CREBBP: variants seen among roughly 807,000 people sequenced by gnomAD.
The protein encoded by CREBBP is CREB binding lysine acetyltransferase, also known as CREB-binding protein.
Under a neutral mutation model 265.0 loss-of-function variants are expected in CREBBP, and 19 were observed. The observed-to-expected ratio is 0.07, with a 90% CI of 0.05 to 0.11. The LOEUF is 0.11. CREBBP is among the 10% of genes least tolerant of loss of function. The pLI is 1.00. For missense variants in CREBBP, 2,525 were observed against 3,219.0 expected (o/e 0.78, Z 5.22); for synonymous variants, 1,457 against 1,223.7 (o/e 1.19, Z -3.98).
At chr16:3,738,084 C>A (rs1211731894) in intron 26 of CREBBP, among the ~76,000 whole-genome samples, 2 of 151,382 alleles carry the variant, frequency 1.3e-5, no homozygotes, top group African/African-American at 2.4e-5. Context: ...CCGCGCCCGG[C>A]CTTTTTTTTA....
At chr16:3,847,998 G>A (rs1229757677) in intron 2 of CREBBP, among the ~76,000 whole-genome samples, 3 of 151,930 alleles carry the variant, frequency 2.0e-5, no homozygotes, top group Non-Finnish European at 2.9e-5. Context: ...GTGAAACTCC[G>A]TCTCTAATAA....
chr16:3,843,886 C>T (rs1409399019), intron 2 of CREBBP, among the ~76,000 whole-genome samples: 7 of 151,880 alleles, frequency 4.6e-5, no homozygotes, highest in South Asian at 2.1e-4. Context: ...CGGTGGCTCA[C>T]GCCTGTAATC....
chr16:3,747,678 A>T (rs993461720), intron 21 of CREBBP, among the ~76,000 whole-genome samples: 2 of 152,142 alleles, frequency 1.3e-5, no homozygotes, highest in Non-Finnish European at 2.9e-5. Context: ...GTAGATATAA[A>T]TTGGCCGGGC....
chr16:3,793,369 C>A lies in CREBBP; in HGVS notation c.1216+17G>T. 1.2e-6 allele frequency: 2 copies of A among 1,613,760 alleles called. No homozygotes were observed. The highest frequency in any genetic ancestry group is 2.2e-5 in the South Asian group (2 of 90,786). On this transcript the variant is annotated intron_variant, in intron 4 of 30. Transcript: ENST00000262367. Reference sequence around the variant, plus strand: ...TTCCTGACCTCTACCACTAGGAGTTCCAAAAACAGCACTTACCTTGGCAGG... The same window carrying A: ...TTCCTGACCTCTACCACTAGGAGTTACAAAAACAGCACTTACCTTGGCAGG...
chr16:3,847,930 AGGCAGAGGCAGGT>A (rs2054702106), intron 2 of CREBBP, among the ~76,000 whole-genome samples: 1 of 152,216 alleles, frequency 6.6e-6, no homozygotes, highest in Admixed American at 6.5e-5. Context: ...GCATTTTGGG[AGGCAGAGGCAGGT>A]GGCTCGCTTG....
chr16:3,758,549 G>A (rs2052638791), intron 17 of CREBBP, among the ~76,000 whole-genome samples: 1 of 152,154 alleles, frequency 6.6e-6, no homozygotes, highest in African/African-American at 2.4e-5. Flanking sequence ...TTTTTTTACA[G>A]TTCATGTTCA....
intron 2 of CREBBP, among the ~76,000 whole-genome samples, chr16:3,837,631 T>TAATA (rs966363424): frequency 2.2e-4 from 33 of 149,946 alleles, no homozygotes; most frequent in Non-Finnish European, 2.2e-4. Flanking sequence ...ATAATAATAA[T>TAATA]AATAAATAAA....
Position 3,731,514 on chromosome 16 carries a change from G to T in CREBBP, c.4891-41C>A. The T allele has an allele frequency of 2.6e-6, 4 of 1,556,386 alleles. No homozygotes were observed. Among genetic ancestry groups the T allele is most frequent in the Non-Finnish European group, 2.6e-6 (3 of 1,153,810 alleles). Reference sequence around the variant, plus strand: ...GGCTTTAGTCCCACACAAGGGACATGGCACCTCCAGTGGTGAGCTCAGGGC... The same window carrying T: ...GGCTTTAGTCCCACACAAGGGACATTGCACCTCCAGTGGTGAGCTCAGGGC... On this transcript the variant is annotated intron_variant, in intron 29 of 30. Transcript: ENST00000262367. The surrounding 1 kb of genome is among the most constrained non-coding windows in gnomAD (Gnocchi z 7.7).
At chr16:3,798,003 C>T (rs773831621) in intron 3 of CREBBP, among the ~76,000 whole-genome samples, 5 of 152,158 alleles carry the variant, frequency 3.3e-5, no homozygotes, top group African/African-American at 4.8e-5. Context: ...AAAATGCAGA[C>T]ACCTCACAAA....
intron 26 of CREBBP, 90 bp downstream of exon 26, chr16:3,738,469 A>T (rs895364196): frequency 1.2e-6 from 1 of 832,504 alleles, no homozygotes; most frequent in African/African-American, 1.7e-5. Context: ...AAAACGCATA[A>T]AACTTAAAAT....
At chr16:3,849,454 T>TGTGTGTGTGTGTGTG in intron 2 of CREBBP, among the ~76,000 whole-genome samples, 1 of 90,324 alleles carries the variant, frequency 1.1e-5, no homozygotes, top group Non-Finnish European at 2.7e-5. Flanking sequence ...TGTGTGTGTG[T>TGTGTGTGTGTGTGTG]GTGTGTGTGT....
intron 20 of CREBBP, among the ~76,000 whole-genome samples, chr16:3,751,150 CAAGA>C (rs2052463308): frequency 6.6e-6 from 1 of 152,300 alleles, no homozygotes; most frequent in African/African-American, 2.4e-5. Context: ...AGACCAAGGT[CAAGA>C]GAGACCAGTG....
intron 2 of CREBBP, among the ~76,000 whole-genome samples, chr16:3,818,729 G>T (rs184812016): frequency 2.0e-5 from 3 of 152,302 alleles, no homozygotes; most frequent in African/African-American, 7.2e-5. Context: ...ATACACAGCA[G>T]ACCACTCAGA....
intron 21 of CREBBP, among the ~76,000 whole-genome samples, chr16:3,746,736 G>A (rs2052351687): frequency 6.6e-6 from 1 of 152,080 alleles, no homozygotes; most frequent in Non-Finnish European, 1.5e-5. Context: ...TGCTTTACTG[G>A]GAGTTTGAGA....
chr16:3,821,648 A>G (rs1031537012), intron 2 of CREBBP, among the ~76,000 whole-genome samples: 6 of 152,236 alleles, frequency 3.9e-5, no homozygotes, highest in Non-Finnish European at 5.9e-5. Flanking sequence ...CTTTCATGCC[A>G]ATCCAAGCCA....
chr16:3,771,673 G>A (rs1596889313), intron 13 of CREBBP, among the ~76,000 whole-genome samples: 1 of 152,002 alleles, frequency 6.6e-6, no homozygotes, highest in Non-Finnish European at 1.5e-5. Flanking sequence ...TGGACACTCA[G>A]TGACTAAGAG....
At position 3,729,982 on chromosome 16, in the gene CREBBP, C is replaced by G. The variant is rs2051867970; in HGVS notation, c.5173-108G>C. The G allele has an allele frequency of 4.6e-6, 7 of 1,535,986 alleles. 1 individual carries two copies. The highest frequency in any genetic ancestry group is 6.1e-6 in the Non-Finnish European group (7 of 1,144,618). ...AAGTCTGGGTCTGTGCCAGGAGACCCAGGCAGGATAGGAGACCCAGACAGG... is the reference window on the plus strand; with the variant it reads ...AAGTCTGGGTCTGTGCCAGGAGACCGAGGCAGGATAGGAGACCCAGACAGG... On this transcript the variant is annotated intron_variant, in intron 30 of 30. Transcript: ENST00000262367.
Position 3,767,621 on chromosome 16 carries a change from T to A in CREBBP, c.3250+99A>T, listed in dbSNP as rs570738547. On this transcript the variant is annotated intron_variant, in intron 16 of 30. Transcript: ENST00000262367. The stretch of plus-strand genomic sequence containing the variant: ...CAGGCAAGAAAGGTAAAAGGGCAGA[T>A]AGAATTATGTTTCTACTTTAGCTTT... The A allele has an allele frequency of 7.9e-6, 12 of 1,517,578 alleles. No individual in the cohort carries two copies. In the South Asian group the frequency reaches 1.3e-4, roughly 16 times the overall value. The allele number at this position is 1,517,578 out of a possible 1,614,324, so 94.0% of individuals were successfully genotyped here.
chr16:3,855,288 G>A (rs2054935779), intron 1 of CREBBP, among the ~76,000 whole-genome samples: 1 of 152,216 alleles, frequency 6.6e-6, no homozygotes, highest in Non-Finnish European at 1.5e-5. Context: ...TTATTAGACA[G>A]AGTCTTGCTC....
Sources: gnomAD v4.1 joint callset for allele counts (sites outside exome capture counted in the v4.1 genomes callset) on GRCh38, gnomAD v4.1.1 for gene constraint, Gnocchi (gnomAD v3.1) non-coding constraint, MANE v1.5 for transcripts, NCBI Gene and HGNC (gene_info 2026-07-23, HGNC 2026-07-21) for gene names.